The following ECE1 variants were observed in gnomAD, a reference collection of about 807,000 sequenced individuals.
The protein encoded by ECE1 is endothelin converting enzyme 1, also known as endothelin-converting enzyme 1.
ECE1 carries 35 observed loss-of-function variants against 98.6 expected under a neutral mutation model. The observed-to-expected ratio is 0.35, with a 90% CI of 0.27 to 0.47. The LOEUF is 0.47. Ranked by LOEUF, ECE1 falls within the 20% of genes least tolerant of loss-of-function variation. ECE1 has a pLI of 1.00. For synonymous variants in ECE1, 394 were observed against 407.1 expected, an observed-to-expected ratio of 0.97 and a Z score of 0.39; for missense variants, 814 against 1,025.3, an observed-to-expected ratio of 0.79 and a Z score of 2.81.
chr1:21,223,889 C>T (rs1375743860), intron 17 of ECE1, among the ~76,000 whole-genome samples: 3 of 152,214 alleles, frequency 2.0e-5, no homozygotes, highest in Non-Finnish European at 4.4e-5. Context: ...TGAGCCACTG[C>T]GCCCGGCTGA....
chr1:21,229,798 A>T (rs1162672631), intron 14 of ECE1, among the ~76,000 whole-genome samples: 1 of 152,198 alleles, frequency 6.6e-6, no homozygotes, highest in South Asian at 2.1e-4. Flanking sequence ...CTAAGACATG[A>T]TGTTACAAAA....
chr1:21,221,807 C>G lies in ECE1; in HGVS notation c.2076G>C (p.Glu692Asp), dbSNP rs746922795. 1.2e-5 allele frequency: 19 copies of G among 1,614,076 alleles called. No individual in the cohort carries two copies. The highest frequency in any genetic ancestry group is 1.3e-5 in the Non-Finnish European group (15 of 1,180,040). The change falls in exon 18 of 19, where the codon GAG becomes GAC. Residue 692 changes from glutamate to aspartate, a missense_variant. By Grantham distance (45) the Glu-to-Asp change is conservative. This residue lies in a region of ECE1 where 452 missense variants were observed against 567.3 expected (regional missense o/e 0.80). Transcript: ENST00000374893. ...YQNWVKKNGAEHSLPTLGLTN... is the reference protein window; with the variant it reads ...YQNWVKKNGADHSLPTLGLTN... ...TGAGGCCCAGGGTGGGGAGCGAGTG[C>G]TCAGCCCCGTTCTTCTTCACCCAGT...
At chr1:21,301,594 T>C (rs1048666957) in intron 1 of ECE1, among the ~76,000 whole-genome samples, 11 of 151,926 alleles carry the variant, frequency 7.2e-5, no homozygotes, top group Admixed American at 5.9e-4. Context: ...GGTGGGAGGA[T>C]TGCTTTGAGC....
At chr1:21,224,296 C>G (rs2103208670) in intron 17 of ECE1, among the ~76,000 whole-genome samples, 1 of 152,288 alleles carries the variant, frequency 6.6e-6, no homozygotes, top group South Asian at 2.1e-4. Context: ...TATTCGTCAC[C>G]TTTTCAATAG....
At position 21,305,613 on chromosome 1, in the gene ECE1, C is replaced by A. The variant is rs149587330; in HGVS notation, c.4-15457G>T. 2.0e-5 allele frequency among the ~76,000 whole-genome samples: 3 copies of A among 152,252 alleles called. No individual in the cohort carries two copies. In the East Asian group the frequency reaches 5.8e-4, roughly 29 times the overall value. On this transcript the variant is annotated intron_variant, in intron 1 of 18. Transcript: ENST00000415912. ...GTGTCAGCAGTCCCATCTGGAAATTCTAGAACAGGAGGGAGGCAAGGGAGC... is the reference window on the plus strand; with the variant it reads ...GTGTCAGCAGTCCCATCTGGAAATTATAGAACAGGAGGGAGGCAAGGGAGC...
In ECE1 at chr1:21,275,541, G is replaced by A. The variant is rs572091092; in HGVS notation, c.281-2630C>T. 3.3e-5 allele frequency among the ~76,000 whole-genome samples: 5 copies of A among 152,316 alleles called. No individual in the cohort carries two copies. In the South Asian group the frequency reaches 1.0e-3, roughly 32 times the overall value. On this transcript the variant is annotated intron_variant, in intron 3 of 18. Transcript: ENST00000374893. ...ACCCGGGAGGCGGAGATTGCAGTGAGCCAAGATCGCGCCACTGCATTCCAG... is the reference window on the plus strand; with the variant it reads ...ACCCGGGAGGCGGAGATTGCAGTGAACCAAGATCGCGCCACTGCATTCCAG...
At chr1:21,292,507 A>G (rs989438448), upstream of ECE1, among the ~76,000 whole-genome samples, 1 of 152,208 alleles carries the variant, frequency 6.6e-6, no homozygotes, top group African/African-American at 2.4e-5. Flanking sequence ...TCTCTGTTAC[A>G]GCATCCTGTT....
Position 21,219,809 on chromosome 1 carries a change from TG to T in ECE1, c.*145del. The T allele has an allele frequency of 3.9e-6, 4 of 1,032,856 alleles. No homozygotes were observed. Among genetic ancestry groups the T allele is most frequent in the Non-Finnish European group, 5.8e-6 (4 of 691,878 alleles). The allele number at this position is 1,032,856 out of a possible 1,614,324, so 64.0% of individuals were successfully genotyped here. On this transcript the variant is annotated 3_prime_UTR_variant, in exon 19 of 19. Transcript: ENST00000374893. The surrounding 1 kb of genome is among the most constrained non-coding windows in gnomAD (Gnocchi z 4.5). ...CGGGTCACGTTGAGAGCCAACACCA[TG>T]GGCTCGGTTCCGGCTGAAAACCCGC...
chr1:21,334,393 T>A (rs764708533), intron 1 of ECE1, among the ~76,000 whole-genome samples: 2 of 152,170 alleles, frequency 1.3e-5, no homozygotes, highest in Non-Finnish European at 2.9e-5. Flanking sequence ...TGCCGCTTTC[T>A]CATGGCCATC....
At chr1:21,227,033 T>C (rs2098175224) in intron 16 of ECE1, 126 bp downstream of exon 16, 3 of 917,174 alleles carry the variant, frequency 3.3e-6, no homozygotes, top group Non-Finnish European at 5.2e-6. Context: ...CTAATTTTTT[T>C]TTTAGTAGAG....
chr1:21,328,471 C>G (rs1289327269), intron 1 of ECE1, among the ~76,000 whole-genome samples: 1 of 152,192 alleles, frequency 6.6e-6, no homozygotes, highest in Admixed American at 6.5e-5. Context: ...CCCCAAGAAT[C>G]TGTGTGTAGG....
intron 1 of ECE1, among the ~76,000 whole-genome samples, chr1:21,336,226 T>A (rs1639302730): frequency 6.6e-6 from 1 of 151,756 alleles, no homozygotes; most frequent in Non-Finnish European, 1.5e-5. Flanking sequence ...CAAAAAAATA[T>A]CAGAAAATTA....
chr1:21,250,916 A>T (rs1290638250), intron 8 of ECE1, among the ~76,000 whole-genome samples: 1 of 152,184 alleles, frequency 6.6e-6, no homozygotes, highest in Non-Finnish European at 1.5e-5. Flanking sequence ...CTGAGGCAGG[A>T]GAATGGCATG....
At chr1:21,310,323 T>C (rs573929636) in intron 1 of ECE1, among the ~76,000 whole-genome samples, 6 of 152,278 alleles carry the variant, frequency 3.9e-5, no homozygotes, top group African/African-American at 4.8e-5. Context: ...TACCTTGTGG[T>C]AGCTGAGAGC....
chr1:21,317,785 G>T (rs1010228186), intron 1 of ECE1, among the ~76,000 whole-genome samples: 1 of 152,178 alleles, frequency 6.6e-6, no homozygotes, highest in Non-Finnish European at 1.5e-5. Flanking sequence ...CTCTGGAGAC[G>T]CACGAGTGGG....
intron 1 of ECE1, among the ~76,000 whole-genome samples, chr1:21,331,755 TGTGAA>T (rs1639204978): frequency 1.3e-5 from 2 of 152,122 alleles, no homozygotes. Context: ...ACAGGGTTGA[TGTGAA>T]GATTAAGTAA....
chr1:21,316,027 C>CT (rs1432013515), intron 1 of ECE1, among the ~76,000 whole-genome samples: 2 of 152,164 alleles, frequency 1.3e-5, no homozygotes, highest in African/African-American at 4.8e-5. Context: ...CTGAGTGCGG[C>CT]TGTGTAAGTT....
In ECE1 at chr1:21,220,220, G is replaced by T; in HGVS notation, c.2137-89C>A. 5 of 1,442,528 alleles carry T rather than the reference G, an allele frequency of 3.5e-6. No individual in the cohort carries two copies. In the South Asian group the frequency reaches 6.7e-5, roughly 19 times the overall value. The allele number at this position is 1,442,528 out of a possible 1,614,324, so 89.4% of individuals were successfully genotyped here. ...CCATTATAACAGCAGGGGAGGCCAG[G>T]TGCGGTGGCTCACACCTGTAATCCC... On this transcript the variant is annotated intron_variant, in intron 18 of 18. Coordinates refer to ENST00000374893, the MANE Select transcript of ECE1 (RefSeq NM_001397.3). This position sits in a 1 kb window ranked among gnomAD's most constrained non-coding sequence, Gnocchi z 5.0.
intron 15 of ECE1, 96 bp from the exon 16 acceptor site, chr1:21,227,322 T>C: frequency 3.2e-6 from 4 of 1,254,268 alleles, no homozygotes; most frequent in Non-Finnish European, 3.5e-6. Context: ...GGCTTAGAGA[T>C]ATAGCAAAAT....
Sources: allele counts gnomAD v4.1 joint callset (sites outside exome capture counted in the v4.1 genomes callset), GRCh38; gene constraint gnomAD v4.1.1; regional missense constraint gnomAD v4.1.1; non-coding constraint Gnocchi (gnomAD v3.1); transcripts MANE v1.5; gene names NCBI Gene and HGNC (gene_info 2026-07-23, HGNC 2026-07-21).